ASTN1: variants seen among roughly 807,000 people sequenced by gnomAD.
ASTN1 encodes astrotactin 1.
Under a neutral mutation model 140.7 loss-of-function variants are expected in ASTN1, and 41 were observed. That is an observed-to-expected ratio of 0.29 (90% CI 0.23 to 0.38). The LOEUF (loss-of-function observed/expected upper bound fraction) is 0.38. Among genes scored for constraint, ASTN1 ranks in the 10% least tolerant of loss-of-function variants. The pLI is 1.00. For synonymous variants in ASTN1, 640 were observed against 652.2 expected (o/e 0.98, Z 0.29); for missense variants, 1,479 against 1,678.8 (o/e 0.88, Z 2.08).
At chr1:177,086,571 T>G (rs1350716897) in intron 1 of ASTN1, among the ~76,000 whole-genome samples, 1 of 152,216 alleles carries the variant, frequency 6.6e-6, no homozygotes, top group Non-Finnish European at 1.5e-5. Context: ...TACGTAATAC[T>G]AAATGCCAAA....
chr1:176,989,867 C>T (rs886121666), intron 8 of ASTN1, among the ~76,000 whole-genome samples: 2 of 151,954 alleles, frequency 1.3e-5, no homozygotes, highest in Admixed American at 6.6e-5. Context: ...ACTGTTTCTG[C>T]TTGTGCTCAA....
At chr1:177,056,623 C>T (rs1008320496) in intron 2 of ASTN1, among the ~76,000 whole-genome samples, 4 of 151,052 alleles carry the variant, frequency 2.6e-5, no homozygotes, top group Non-Finnish European at 5.9e-5. Context: ...AGGCTACTTG[C>T]TGTGAAAAAT....
intron 1 of ASTN1, among the ~76,000 whole-genome samples, chr1:177,097,489 G>A (rs568793167): frequency 6.6e-6 from 1 of 152,250 alleles, no homozygotes; most frequent in African/African-American, 2.4e-5. Context: ...TCATCTGAAA[G>A]TGGCTATAAT....
rs1417830453 is a variant in ASTN1, at chr1:176,864,398, C to A, written c.3771G>T (p.Glu1257Asp). 6.2e-7 allele frequency: 1 copy of A among 1,614,004 alleles called. No homozygotes were observed. The highest frequency in any genetic ancestry group is 8.5e-7 in the Non-Finnish European group (1 of 1,180,032). The change falls in exon 23 of 23, where the codon GAG (glutamate) becomes GAT (aspartate). Residue 1257 changes from glutamate (E) to aspartate (D), a missense_variant. By Grantham distance (45) the Glu-to-Asp change is conservative. This residue lies in a region of ASTN1 where 746 missense variants were observed against 800.9 expected (regional missense o/e 0.93). Coordinates refer to ENST00000361833, the MANE Select transcript of ASTN1 (RefSeq NM_004319.3). ...SLKYLGCRYS[E>D]IKPYGLDWAE... The stretch of plus-strand genomic sequence containing the variant: ...CCCAGTCAAGTCCGTAGGGTTTGAT[C>A]TCGCTGTAGCGGCACCCCAGGTACT...
chr1:177,153,159 T>A (rs569122144), intron 1 of ASTN1, among the ~76,000 whole-genome samples: 5 of 152,254 alleles, frequency 3.3e-5, no homozygotes, highest in Non-Finnish European at 2.9e-5. Flanking sequence ...ATTAATGCCT[T>A]CCTTGGAGGT....
chr1:177,069,620 A>G (rs1476627070), intron 1 of ASTN1, among the ~76,000 whole-genome samples: 2 of 152,194 alleles, frequency 1.3e-5, no homozygotes, highest in African/African-American at 4.8e-5. Flanking sequence ...CATGAATAGC[A>G]ATCGAGCAAC....
intron 4 of ASTN1, among the ~76,000 whole-genome samples, chr1:177,030,229 T>TTAAATCTGATTTA (rs1676357207): frequency 6.6e-6 from 1 of 152,236 alleles, no homozygotes; most frequent in African/African-American, 2.4e-5. Context: ...CTAAATCCTT[T>TTAAATCTGATTTA]AAATCAGAGA....
intron 1 of ASTN1, among the ~76,000 whole-genome samples, chr1:177,073,560 T>C (rs1339002930): frequency 7.7e-4 from 115 of 148,542 alleles, no homozygotes; most frequent in Non-Finnish European, 2.1e-4. Context: ...TCTTTCATCC[T>C]TATTTGGCTA....
At chr1:177,017,171 A>G (rs1675588832) in intron 7 of ASTN1, among the ~76,000 whole-genome samples, 1 of 152,230 alleles carries the variant, frequency 6.6e-6, no homozygotes, top group East Asian at 1.9e-4. Context: ...TTGCCTTCGT[A>G]GTCATTATCT....
chr1:176,881,996 T>C lies in ASTN1; in HGVS notation c.3362+863A>G, dbSNP rs139478883. Among the ~76,000 whole-genome samples the C allele has an allele frequency of 1.4e-3, 219 of 152,372 alleles. 1 individual carries two copies. Among genetic ancestry groups the C allele is most frequent in the African/African-American group, 5.1e-3 (213 of 41,592 alleles). ...ACGAAGTCCTACAACGACATCACTATGAATTCTGCCTTAGCACCCAAATTT... is the reference window on the plus strand; with the variant it reads ...ACGAAGTCCTACAACGACATCACTACGAATTCTGCCTTAGCACCCAAATTT... On this transcript the variant is annotated intron_variant, in intron 20 of 22. Coordinates refer to ENST00000361833, the MANE Select transcript of ASTN1 (RefSeq NM_004319.3).
chr1:176,930,647 T>G (rs1048812278), intron 16 of ASTN1, among the ~76,000 whole-genome samples: 1 of 152,210 alleles, frequency 6.6e-6, no homozygotes, highest in Non-Finnish European at 1.5e-5. Context: ...AGTCTTCTGC[T>G]GAGATACATG....
Position 176,957,756 on chromosome 1 carries a change from G to T in ASTN1, c.1809C>A (p.Asp603Glu), listed in dbSNP as rs770155428. ...TGCAGCCCCCGTTATCTTTGCTGCAGTCGCGCACCGGCCCAAAGGAATCTA... is the reference window on the plus strand; with the variant it reads ...TGCAGCCCCCGTTATCTTTGCTGCATTCGCGCACCGGCCCAAAGGAATCTA... ...VLLDSFGPVR[D>E]CSKDNGGCSK... is the part of the protein sequence containing the mutation. The change falls in exon 11 of 23, where the codon GAC (aspartate) becomes GAA (glutamate). Residue 603 changes from aspartate (D) to glutamate (E), a missense_variant. Asp to Glu is a conservative substitution (Grantham distance 45). This residue lies in a region of ASTN1 where 729 missense variants were observed against 860.4 expected (regional missense o/e 0.85). Coordinates refer to ENST00000361833, the MANE Select transcript of ASTN1 (RefSeq NM_004319.3). 1 of 1,613,998 alleles carries T rather than the reference G, an allele frequency of 6.2e-7. No individual in the cohort carries two copies.
chr1:177,025,268 A>G (rs568031907), intron 5 of ASTN1, among the ~76,000 whole-genome samples: 1 of 152,164 alleles, frequency 6.6e-6, no homozygotes, highest in Non-Finnish European at 1.5e-5. Flanking sequence ...AATGAGGAAA[A>G]TGAGGAATGT....
intron 7 of ASTN1, among the ~76,000 whole-genome samples, chr1:177,022,622 C>T (rs114289382): frequency 0.024 from 3,637 of 152,254 alleles, 140 homozygotes; most frequent in African/African-American, 0.081. Context: ...GACTTGAAGA[C>T]GTTCCTACTC....
At chr1:176,999,854 G>A (rs1319130605) in intron 8 of ASTN1, among the ~76,000 whole-genome samples, 1 of 152,094 alleles carries the variant, frequency 6.6e-6, no homozygotes, top group Non-Finnish European at 1.5e-5. Flanking sequence ...TCCTGCCACT[G>A]TAAAGAGGTG....
intron 1 of ASTN1, among the ~76,000 whole-genome samples, chr1:177,082,686 T>A (rs1410329138): frequency 1.3e-5 from 2 of 152,180 alleles, no homozygotes; most frequent in African/African-American, 4.8e-5. Flanking sequence ...GGGGAGATGT[T>A]TTTGATACAA....
chr1:177,095,980 G>C (rs565035729), intron 1 of ASTN1, among the ~76,000 whole-genome samples: 1 of 152,316 alleles, frequency 6.6e-6, no homozygotes, highest in East Asian at 1.9e-4. Flanking sequence ...CATCAAGTCA[G>C]AAAAGACTAT....
intron 1 of ASTN1, among the ~76,000 whole-genome samples, chr1:177,121,095 T>TATAC (rs142291072): frequency 0.051 from 7,765 of 152,070 alleles, 233 homozygotes; most frequent in Admixed American, 0.061. Flanking sequence ...TATATATATA[T>TATAC]ATACATGCAC....
At chr1:177,038,101 TG>T (rs1676811608) in intron 2 of ASTN1, among the ~76,000 whole-genome samples, 1 of 152,224 alleles carries the variant, frequency 6.6e-6, no homozygotes, top group Non-Finnish European at 1.5e-5. Context: ...CCCAGTCCTC[TG>T]GACCAACCAC....
Sources: allele counts gnomAD v4.1 joint callset (sites outside exome capture counted in the v4.1 genomes callset), GRCh38; gene constraint gnomAD v4.1.1; regional missense constraint gnomAD v4.1.1; transcripts MANE v1.5; gene names NCBI Gene and HGNC (gene_info 2026-07-23, HGNC 2026-07-21).